RPGRIP1: variants seen among roughly 807,000 people sequenced by gnomAD.
The protein encoded by RPGRIP1 is X-linked retinitis pigmentosa GTPase regulator-interacting protein 1.
RPGRIP1 carries 128 observed loss-of-function variants against 157.9 expected under a neutral mutation model. The ratio of observed to expected loss-of-function variants is 0.81; its 90% CI spans 0.70 to 0.94. The LOEUF is 0.94. Among genes scored for constraint, RPGRIP1 ranks in the 40% least tolerant of loss-of-function variants. RPGRIP1 has a pLI of 0.00. For missense variants in RPGRIP1, 1,486 were observed against 1,545.8 expected (o/e 0.96, Z 0.65); for synonymous variants, 554 against 571.6 (o/e 0.97, Z 0.44).
intron 2 of RPGRIP1, among the ~76,000 whole-genome samples, chr14:21,290,482 T>C (rs1391809987): frequency 1.3e-5 from 2 of 152,144 alleles, no homozygotes; most frequent in African/African-American, 4.8e-5. Context: ...AAGACTAGCC[T>C]GGTCAGAACA....
At chr14:21,311,370 G>A (rs1325418915) in intron 8 of RPGRIP1, among the ~76,000 whole-genome samples, 2 of 152,150 alleles carry the variant, frequency 1.3e-5, no homozygotes, top group African/African-American at 4.8e-5. Flanking sequence ...TGGCCAACAT[G>A]GAGAAACCCT....
Position 21,288,131 on chromosome 14 carries a change from G to A in RPGRIP1, c.85+70G>A. 5 of 1,003,470 alleles carry A rather than the reference G, an allele frequency of 5.0e-6. No homozygotes were observed. In the East Asian group the frequency reaches 1.2e-4, roughly 24 times the overall value. 62.2% of individuals were successfully genotyped at this position (1,003,470 alleles called of 1,614,324 possible). On this transcript the variant is annotated intron_variant, in intron 2 of 24. Transcript: ENST00000400017. Reference sequence around the variant, plus strand: ...ACTCTCACTGTGGAACATCTTGCTGGCCTTCACAGAGACTGATTTACTTTC... The same window carrying A: ...ACTCTCACTGTGGAACATCTTGCTGACCTTCACAGAGACTGATTTACTTTC...
Position 21,342,380 on chromosome 14 carries a change from TAAAAAAA to T in RPGRIP1, c.3340-655_3340-649del, listed in dbSNP as rs368342701. Among the ~76,000 whole-genome samples, 4 of 151,920 alleles carry T rather than the reference TAAAAAAA, an allele frequency of 2.6e-5. No individual in the cohort carries two copies. The East Asian group carries it at 7.7e-4, about 29-fold the overall frequency. On this transcript the variant is annotated intron_variant, in intron 21 of 24. Coordinates refer to ENST00000400017, the MANE Select transcript of RPGRIP1 (RefSeq NM_020366.4). Reference sequence around the variant, plus strand: ...CAACATAGCAAGACCATATCTCTATTAAAAAAATAAAAATAATTGTCCCTATGTGGTG... The same window carrying T: ...CAACATAGCAAGACCATATCTCTATTTAAAAATAATTGTCCCTATGTGGTG...
At chr14:21,294,653 A>C in intron 2 of RPGRIP1, 24 bp from the exon 3 acceptor site, 1 of 1,610,930 alleles carries the variant, frequency 6.2e-7, no homozygotes, top group Non-Finnish European at 8.5e-7. Context: ...AATACTGTCC[A>C]TTTACTGTTT....
intron 16 of RPGRIP1, 161 bp from the exon 17 acceptor site, chr14:21,325,670 A>G (rs1373914659): frequency 6.0e-6 from 4 of 662,880 alleles, no homozygotes; most frequent in East Asian, 2.7e-5. Context: ...AATAACTGCC[A>G]GAGCCAGTTT....
At chr14:21,288,138 C>A in intron 2 of RPGRIP1, 77 bp downstream of exon 2, 4 of 907,142 alleles carry the variant, frequency 4.4e-6, no homozygotes, top group Non-Finnish European at 3.6e-6. Context: ...CTGGCCTTCA[C>A]AGAGACTGAT....
Position 21,317,760 on chromosome 14 carries a change from C to G in RPGRIP1, c.1216C>G (p.Leu406Val). ...HWSNELIAEQLQQQVSQLQDQ... is the reference protein window; with the variant it reads ...HWSNELIAEQVQQQVSQLQDQ... ...GAGCAACGAGCTCATAGCGGAACAG[C>G]TACAGCAGCAAGTCTCTCAGCTGCA... The change falls in exon 11 of 25, where the codon CTA becomes GTA. Residue 406 changes from leucine to valine, a missense_variant. Physicochemically the swap from Leu to Val is conservative, Grantham distance 32. Transcript: ENST00000400017. The G allele has an allele frequency of 1.9e-6, 3 of 1,596,260 alleles. No homozygotes were observed. The highest frequency in any genetic ancestry group is 2.6e-6 in the Non-Finnish European group (3 of 1,171,388).
intron 2 of RPGRIP1, among the ~76,000 whole-genome samples, chr14:21,289,688 A>T (rs1471175060): frequency 6.6e-6 from 1 of 151,724 alleles, no homozygotes; most frequent in Non-Finnish European, 1.5e-5. Context: ...TGAACGTGTA[A>T]CTCTACTTTT....
intron 21 of RPGRIP1, among the ~76,000 whole-genome samples, chr14:21,338,277 CAG>C (rs1884614730): frequency 1.3e-5 from 2 of 152,266 alleles, no homozygotes; most frequent in East Asian, 3.9e-4. Flanking sequence ...TCTATGGTCC[CAG>C]ATTACTGTTT....
At position 21,288,056 on chromosome 14, in the gene RPGRIP1, C is replaced by T. The variant is rs569126479; in HGVS notation, c.80C>T (p.Ser27Leu). Residue 27 changes from serine to leucine, a missense_variant, in exon 2 of 25, where the codon TCA becomes TTA. By Grantham distance (145) the Ser-to-Leu change is moderately radical (BLOSUM62 -2). Coordinates refer to ENST00000400017, the MANE Select transcript of RPGRIP1 (RefSeq NM_020366.4). Reference protein sequence around the residue: ...IDAIPLVLPASKGKNMKTQPP... With the variant: ...IDAIPLVLPALKGKNMKTQPP... ...GCTATACCTCTGGTGCTACCAGCCT[C>T]AAAAGGTAACTTCTACGCCTGAGGA... is the stretch of plus-strand genomic sequence containing the variant. 8 of 1,608,174 alleles carry T rather than the reference C, an allele frequency of 5.0e-6. No individual in the cohort carries two copies. The highest frequency in any genetic ancestry group is 1.7e-5 in the Admixed American group (1 of 59,936).
intron 3 of RPGRIP1, among the ~76,000 whole-genome samples, chr14:21,300,705 C>CATTTTTTT (rs1378187329): frequency 1.4e-5 from 1 of 73,500 alleles, no homozygotes; most frequent in African/African-American, 5.5e-5. Flanking sequence ...AGTGGCTCAA[C>CATTTTTTT]TTTTTTTTTT....
At position 21,303,418 on chromosome 14, in the gene RPGRIP1, C is replaced by T. The variant is rs778907557; in HGVS notation, c.675C>T (p.His225=). 6.2e-7 allele frequency: 1 copy of T among 1,613,804 alleles called. No homozygotes were observed. Among genetic ancestry groups the T allele is most frequent in the Non-Finnish European group, 8.5e-7 (1 of 1,179,772 alleles). Residue 225 remains histidine, a synonymous_variant, in exon 6 of 25, where the codon CAC becomes CAT. Coordinates refer to ENST00000400017, the MANE Select transcript of RPGRIP1 (RefSeq NM_020366.4). The part of the protein sequence containing the change: ...PIGLCMPNSA[H]IMASNTMQVE... ...GTCTATGCATGCCTAACAGTGCCCA[C>T]ATCATGGCCAGCAATACCATGCAAG...
intron 1 of RPGRIP1, among the ~76,000 whole-genome samples, chr14:21,281,788 A>G (rs993687383): frequency 4.0e-5 from 6 of 150,946 alleles, no homozygotes; most frequent in African/African-American, 1.2e-4. Flanking sequence ...CCAGTGATAC[A>G]GAGTGTAAAA....
At chr14:21,304,424 A>AAAGAAAGAAAGAAAGG (rs1881205454) in intron 6 of RPGRIP1, among the ~76,000 whole-genome samples, 1 of 151,282 alleles carries the variant, frequency 6.6e-6, no homozygotes, top group East Asian at 1.9e-4. Flanking sequence ...AGAAAGAAAG[A>AAAGAAAGAAAGAAAGG]AAGAAAGAAA....
Position 21,325,035 on chromosome 14 carries a change from C to A in RPGRIP1, c.2180C>A (p.Thr727Asn). The A allele has an allele frequency of 6.2e-7, 1 of 1,612,924 alleles. No homozygotes were observed. Among genetic ancestry groups the A allele is most frequent in the South Asian group, 1.1e-5 (1 of 91,068 alleles). ...GWICFDRVLETVEKVHGLATL... is the reference protein window; with the variant it reads ...GWICFDRVLENVEKVHGLATL... ...ATTTGCTTTGACAGGGTGCTAGAGA[C>A]TGTGGAGAAAGTCCATGGCTTGGCC... The change falls in exon 15 of 25, where the codon ACT (threonine) becomes AAT (asparagine). Residue 727 changes from threonine (T) to asparagine (N), a missense_variant. Physicochemically the swap from Thr to Asn is moderately conservative, Grantham distance 65. Transcript: ENST00000400017.
rs140668097 is a variant in RPGRIP1 at position 21,328,332 on chromosome 14, T to C, written c.2896-92T>C. The C allele has an allele frequency of 1.9e-4, 172 of 883,492 alleles. No homozygotes were observed. The African/African-American group carries it at 2.5e-3, about 13-fold the overall frequency. The allele number at this position is 883,492 out of a possible 1,614,324, so 54.7% of individuals were successfully genotyped here. A position where few individuals can be genotyped will look rare whatever the true frequency, so the allele number is the denominator to read the frequency against. Reference sequence around the variant, plus strand: ...TTTCTCAGCTCCATGAGGAGAGAAATGAAGTCTAACACTAGTTCCCAAATC... The same window carrying C: ...TTTCTCAGCTCCATGAGGAGAGAAACGAAGTCTAACACTAGTTCCCAAATC... On this transcript the variant is annotated intron_variant, in intron 18 of 24. Coordinates refer to ENST00000400017, the MANE Select transcript of RPGRIP1 (RefSeq NM_020366.4).
intron 21 of RPGRIP1, among the ~76,000 whole-genome samples, chr14:21,337,921 A>G (rs1884555632): frequency 6.7e-6 from 1 of 149,656 alleles, no homozygotes. Flanking sequence ...ACGTCCAGCT[A>G]ATTTTTTTGT....
At chr14:21,296,265 C>CCGTG (rs1372258640) in intron 3 of RPGRIP1, among the ~76,000 whole-genome samples, 1 of 152,112 alleles carries the variant, frequency 6.6e-6, no homozygotes, top group African/African-American at 2.4e-5. Flanking sequence ...CCACCACTGG[C>CCGTG]CGTGCTGCCC....
chr14:21,328,549 T>G lies in RPGRIP1; in HGVS notation c.3021T>G (p.His1007Gln). 6.2e-7 allele frequency: 1 copy of G among 1,613,690 alleles called. No individual in the cohort carries two copies. Among genetic ancestry groups the G allele is most frequent in the Non-Finnish European group, 8.5e-7 (1 of 1,179,728 alleles). Residue 1007 changes from histidine to glutamine, a missense_variant, in exon 19 of 25, where the codon CAT (histidine) becomes CAG (glutamine). His to Gln is a conservative substitution (Grantham distance 24). Transcript: ENST00000400017. ...TTGTGAGCTACTCAAGAAGAAAACA[T>G]GGCAAAAGAATAGGTGTTCAAGGAA... ...HQVVSYSRRK[H>Q]GKRIGVQGKN...
Sources: allele counts gnomAD v4.1 joint callset (sites outside exome capture counted in the v4.1 genomes callset), GRCh38; gene constraint gnomAD v4.1.1; transcripts MANE v1.5; gene names NCBI Gene and HGNC (gene_info 2026-07-23, HGNC 2026-07-21).